The following TAF9 variants were observed in gnomAD, a reference collection of about 807,000 sequenced individuals.
TAF9 encodes the protein transcription initiation factor TFIID subunit 9.
Under a neutral mutation model 16.5 loss-of-function variants are expected in TAF9, and 10 were observed. The ratio of observed to expected loss-of-function variants is 0.61; its 90% CI spans 0.37 to 1.03. The LOEUF (loss-of-function observed/expected upper bound fraction) is 1.03. TAF9 is among the 50% of genes least tolerant of loss of function. TAF9 has a pLI of 0.01. For missense variants in TAF9, 288 were observed against 319.1 expected (o/e 0.90, Z 0.74); for synonymous variants, 105 against 120.5 (o/e 0.87, Z 0.84).
intron 1 of TAF9, 91 bp from the exon 2 acceptor site, chr5:69,366,686 A>T: frequency 1.1e-5 from 11 of 969,954 alleles, no homozygotes; most frequent in Non-Finnish European, 1.6e-5. Flanking sequence ...TTTTTGAGAC[A>T]GAGTCTCACC....
At chr5:69,369,787 G>A, upstream of TAF9, 1 of 1,395,892 alleles carries the variant, frequency 7.2e-7, no homozygotes, top group Non-Finnish European at 9.9e-7. Flanking sequence ...CTTCGCTTGC[G>A]CCGACCAGTC....
At position 69,365,578 on chromosome 5, in the gene TAF9, C is replaced by T. The variant is rs1762387277; in HGVS notation, c.160G>A (p.Ala54Thr). Residue 54 changes from alanine (A) to threonine (T), a missense_variant, in exon 3 of 3, where the codon GCA (alanine) becomes ACA (threonine). Coordinates refer to ENST00000217893, the MANE Select transcript of TAF9 (RefSeq NM_003187.5). ...TTAGCATGGCTTGAATAAATTTTTGCATCATCTAGAATTGTGGTCACATAT... is the reference window on the plus strand; with the variant it reads ...TTAGCATGGCTTGAATAAATTTTTGTATCATCTAGAATTGTGGTCACATAT... ...FRYVTTILDD[A>T]KIYSSHAKKA... 1.2e-6 allele frequency: 2 copies of T among 1,613,866 alleles called. No homozygotes were observed. Among genetic ancestry groups the T allele is most frequent in the Admixed American group, 1.7e-5 (1 of 59,970 alleles).
At chr5:69,369,709 G>T (rs1427926433), upstream of TAF9, 7 of 1,551,608 alleles carry the variant, frequency 4.5e-6, no homozygotes, top group Non-Finnish European at 5.2e-6. Flanking sequence ...GGCATAACTC[G>T]GGTCGGTACT....
chr5:69,369,129 C>A, intron 1 of TAF9: 1 of 437,100 alleles, frequency 2.3e-6, no homozygotes, highest in South Asian at 4.3e-5. Flanking sequence ...GCCAACCCTG[C>A]CAAAGAATCA....
chr5:69,366,552 C>G lies in TAF9; in HGVS notation c.-67G>C, dbSNP rs77238909. ...TAATGTATTTCAGTCCTGATTTTGA[C>G]GCAAGTTCTTTGCCTAGTGTGGTTT... is the stretch of plus-strand genomic sequence containing the variant. On this transcript the variant is annotated 5_prime_UTR_variant, in exon 2 of 3. Transcript: ENST00000217893. 6 of 1,613,980 alleles carry G rather than the reference C, an allele frequency of 3.7e-6. No individual in the cohort carries two copies. In the South Asian group the frequency reaches 6.6e-5, roughly 18 times the overall value.
rs138635374 is a variant in TAF9, at chr5:69,364,958, GTCATCA to G, written c.774_779del (p.Asp259_Asp260del). The G allele has an allele frequency of 1.1e-5, 18 of 1,610,800 alleles. No homozygotes were observed. Among genetic ancestry groups the G allele is most frequent in the East Asian group, 1.1e-4 (5 of 44,862 alleles). On this transcript the variant is annotated inframe_deletion, in exon 3 of 3. Transcript: ENST00000217893. Reference sequence around the variant, plus strand: ...CAAGGCTAGATTACAGATTATCATAGTCATCATCATCATCATCGTCATCATCATCAT... The same window carrying G: ...CAAGGCTAGATTACAGATTATCATAGTCATCATCATCGTCATCATCATCAT...
At chr5:69,367,186 C>T (rs995989032) in intron 1 of TAF9, among the ~76,000 whole-genome samples, 2 of 152,096 alleles carry the variant, frequency 1.3e-5, no homozygotes, top group Non-Finnish European at 2.9e-5. Flanking sequence ...ATTCAAACTG[C>T]CTGCTGCTAC....
chr5:69,364,817 G>A lies in TAF9; in HGVS notation c.*126C>T. The A allele has an allele frequency of 2.4e-6, 2 of 847,874 alleles. No homozygotes were observed. The highest frequency in any genetic ancestry group is 3.4e-5 in the South Asian group (2 of 58,872). The allele number at this position is 847,874 out of a possible 1,614,324, so 52.5% of individuals were successfully genotyped here. A position where few individuals can be genotyped will look rare whatever the true frequency, so the allele number is the denominator to read the frequency against. ...AACCTTCATTTCAATTGAAAAGTAT[G>A]GTAACTGTGTTTACTCATTATTATT... On this transcript the variant is annotated 3_prime_UTR_variant, in exon 3 of 3. Transcript: ENST00000217893.
At chr5:69,366,765 A>ATT in intron 1 of TAF9, 170 bp from the exon 2 acceptor site, 1 of 544,002 alleles carries the variant, frequency 1.8e-6, no homozygotes, top group Non-Finnish European at 3.3e-6. Flanking sequence ...CATATGTAAA[A>ATT]TTTTTTTTTT....
chr5:69,365,065 G>A lies in TAF9; in HGVS notation c.673C>T (p.Leu225Phe), dbSNP rs17849755. 1.2e-6 allele frequency: 2 copies of A among 1,614,164 alleles called. No individual in the cohort carries two copies. Among genetic ancestry groups the A allele is most frequent in the South Asian group, 2.2e-5 (2 of 91,086 alleles). ...GATGACATCATATTAGTGGTAATAA[G>A]AATGTTTTTGGACCCGATTAATGAT... is the stretch of plus-strand genomic sequence containing the variant. ...NPSLIGSKNI[L>F]ITTNMMSSQN... is the part of the protein sequence containing the mutation. Residue 225 changes from leucine (L) to phenylalanine (F), a missense_variant, in exon 3 of 3, where the codon CTT becomes TTT. Transcript: ENST00000217893.
chr5:69,366,680 T>C (rs1276522813), intron 1 of TAF9, 85 bp from the exon 2 acceptor site: 4 of 1,018,412 alleles, frequency 3.9e-6, no homozygotes, highest in East Asian at 4.8e-5. Context: ...CTTTTATTTT[T>C]GAGACAGAGT....
At chr5:69,367,226 T>G (rs1032915130) in intron 1 of TAF9, among the ~76,000 whole-genome samples, 3 of 151,808 alleles carry the variant, frequency 2.0e-5, no homozygotes, top group Admixed American at 2.0e-4. Context: ...AAATTAGCCA[T>G]CTCGTGCTGG....
At chr5:69,366,814 A>AATGGT in intron 1 of TAF9, 1 of 520,550 alleles carries the variant, frequency 1.9e-6, no homozygotes, top group Non-Finnish European at 3.5e-6. Flanking sequence ...GCTGGAGTGC[A>AATGGT]GTGGCACAAT....
chr5:69,366,458 C>T (rs1296711299), intron 2 of TAF9, 45 bp downstream of exon 2: 2 of 1,506,094 alleles, frequency 1.3e-6, no homozygotes. Flanking sequence ...CTTACCAGAC[C>T]TTAAAAAAAA....
intron 1 of TAF9, 87 bp downstream of exon 1, chr5:69,369,376 G>A (rs1762741206): frequency 1.3e-6 from 2 of 1,497,970 alleles, no homozygotes; most frequent in East Asian, 2.5e-5. Flanking sequence ...AGGGCAGTGA[G>A]GGGCCCCCAC....
chr5:69,365,591 T>C lies in TAF9; in HGVS notation c.147A>G (p.Thr49=), dbSNP rs1433799912. 1 of 1,614,048 alleles carries C rather than the reference T, an allele frequency of 6.2e-7. No homozygotes were observed. The highest frequency in any genetic ancestry group is 1.3e-5 in the African/African-American group (1 of 74,932). Residue 49 remains threonine, a synonymous_variant, in exon 3 of 3, where the codon ACA becomes ACG. Transcript: ENST00000217893. ...AATAAATTTTTGCATCATCTAGAATTGTGGTCACATATCGGAAGGCAAACT... is the reference window on the plus strand; with the variant it reads ...AATAAATTTTTGCATCATCTAGAATCGTGGTCACATATCGGAAGGCAAACT... The part of the protein sequence containing the change: ...MLEFAFRYVT[T]ILDDAKIYSS...
chr5:69,366,814 A>G, intron 1 of TAF9: 1 of 520,550 alleles, frequency 1.9e-6, no homozygotes, highest in South Asian at 2.3e-5. Flanking sequence ...GCTGGAGTGC[A>G]GTGGCACAAT....
chr5:69,369,651 G>C (rs772727876), upstream of TAF9: 3 of 1,561,202 alleles, frequency 1.9e-6, no homozygotes, highest in South Asian at 1.2e-5. Flanking sequence ...GCGGCCCACT[G>C]GTTACCTGGC....
At chr5:69,366,451 A>C (rs1261332384) in intron 2 of TAF9, 52 bp downstream of exon 2, 3 of 1,450,722 alleles carry the variant, frequency 2.1e-6, no homozygotes, top group South Asian at 1.1e-5. Context: ...CACTCCACTT[A>C]CCAGACCTTA....
Sources: allele counts gnomAD v4.1 joint callset (sites outside exome capture counted in the v4.1 genomes callset), GRCh38; gene constraint gnomAD v4.1.1; transcripts MANE v1.5; gene names NCBI Gene and HGNC (gene_info 2026-07-23, HGNC 2026-07-21).